Variants in SH3PXD2B observed in about 807,000 individuals in gnomAD.
SH3PXD2B encodes SH3 and PX domains 2B.
In SH3PXD2B, 37 loss-of-function variants were observed where a neutral mutation model predicts 73.1. The observed-to-expected ratio is 0.51, with a 90% CI of 0.39 to 0.67. The LOEUF is 0.67. SH3PXD2B is among the 30% of genes least tolerant of loss of function. The pLI is 0.00. For missense variants in SH3PXD2B, 1,053 were observed against 1,197.8 expected (o/e 0.88, Z 1.78); for synonymous variants, 457 against 480.5 (o/e 0.95, Z 0.64).
intron 3 of SH3PXD2B, among the ~76,000 whole-genome samples, chr5:172,402,806 G>C (rs1758451679): frequency 6.6e-6 from 1 of 152,244 alleles, no homozygotes. Context: ...CTTAGTAGGT[G>C]CTTGCAAAGG....
downstream of SH3PXD2B, among the ~76,000 whole-genome samples, chr5:172,329,280 C>T (rs552763671): frequency 4.0e-5 from 6 of 149,852 alleles, no homozygotes; most frequent in African/African-American, 1.2e-4. Context: ...GATGAGGTTT[C>T]ACCATGTTGG....
chr5:172,386,719 T>G lies in SH3PXD2B; in HGVS notation c.310-4592A>C, dbSNP rs186374033. Among the ~76,000 whole-genome samples the G allele has an allele frequency of 2.0e-4, 30 of 152,280 alleles. No homozygotes were observed. The East Asian group carries it at 5.6e-3, about 28-fold the overall frequency. On this transcript the variant is annotated intron_variant, in intron 4 of 12. Transcript: ENST00000311601. ...ATCTCAGCTCACTGCAGTCTCCACC[T>G]CCTGGGCTCGAGATCCTCCCACCTC...
rs199725039 is a variant in SH3PXD2B at position 172,404,317 on chromosome 5, T to TA, written c.232+1959_232+1960insT. Reference sequence around the variant, plus strand: ...CTGAAAAAAGATATATATATATATATTTTTTTTTGAGATAGAGTTTCACTC... The same window carrying TA: ...CTGAAAAAAGATATATATATATATATATTTTTTTTGAGATAGAGTTTCACTC... On this transcript the variant is annotated intron_variant, in intron 3 of 12. Transcript: ENST00000311601. Among the ~76,000 whole-genome samples the TA allele has an allele frequency of 5.3e-3, 711 of 134,540 alleles. 6 individuals carry two copies. Among genetic ancestry groups the TA allele is most frequent in the African/African-American group, 0.016 (604 of 38,850 alleles). The allele number at this position is 134,540 out of a possible 152,430, so 88.3% of individuals were successfully genotyped here. A position where few individuals can be genotyped will look rare whatever the true frequency, so the allele number is the denominator to read the frequency against.
At chr5:172,442,654 C>T in intron 1 of SH3PXD2B, among the ~76,000 whole-genome samples, 1 of 152,142 alleles carries the variant, frequency 6.6e-6, no homozygotes, top group East Asian at 1.9e-4. Context: ...TGGCCCGTGT[C>T]ACATCATTTG....
Position 172,422,467 on chromosome 5 carries a change from G to A in SH3PXD2B, c.105C>T (p.Ser35=), listed in dbSNP as rs17074773. The change falls in exon 2 of 13, where the codon AGC becomes AGT. Residue 35 remains serine, a synonymous_variant. Coordinates refer to ENST00000311601, the MANE Select transcript of SH3PXD2B (RefSeq NM_001017995.3). Reference sequence around the variant, plus strand: ...GCCGGTAAATGGCCTCGGTGGAGCCGCTGGACCACGTGACCCGGATGATGT... The same window carrying A: ...GCCGGTAAATGGCCTCGGTGGAGCCACTGGACCACGTGACCCGGATGATGT... ...YVYIIRVTWS[S]GSTEAIYRRY... 0.31 allele frequency: 500,209 copies of A among 1,610,500 alleles called. 82,434 individuals are homozygous for A. The highest frequency in any genetic ancestry group is 0.63 in the East Asian group (28,387 of 44,826).
At chr5:172,448,716 G>A (rs1759730101) in intron 1 of SH3PXD2B, among the ~76,000 whole-genome samples, 1 of 152,218 alleles carries the variant, frequency 6.6e-6, no homozygotes, top group Admixed American at 6.5e-5. Flanking sequence ...CGTCCCAGAA[G>A]GAAGTCACTG....
intron 1 of SH3PXD2B, among the ~76,000 whole-genome samples, chr5:172,441,242 G>A (rs1410510079): frequency 6.6e-6 from 1 of 152,170 alleles, no homozygotes; most frequent in Non-Finnish European, 1.5e-5. Flanking sequence ...CCGAGGTTCT[G>A]AGAGGTTAAG....
At chr5:172,345,051 CAAAGGAAGGAGGAAGGAG>C (rs1561894185) in intron 12 of SH3PXD2B, among the ~76,000 whole-genome samples, 1 of 131,866 alleles carries the variant, frequency 7.6e-6, no homozygotes, top group Non-Finnish European at 1.6e-5. Flanking sequence ...GGAAGGAAAA[CAAAGGAAGGAGGAAGGAG>C]GAAGGAAGGA....
intron 6 of SH3PXD2B, among the ~76,000 whole-genome samples, chr5:172,368,092 T>C (rs1757567413): frequency 6.6e-6 from 1 of 152,206 alleles, no homozygotes; most frequent in Non-Finnish European, 1.5e-5. Flanking sequence ...GTCCTTCTCA[T>C]GCAAAGCCTG....
intron 5 of SH3PXD2B, among the ~76,000 whole-genome samples, chr5:172,376,688 G>A (rs769405259): frequency 4.6e-5 from 7 of 152,288 alleles, no homozygotes; most frequent in East Asian, 1.9e-4. Context: ...CCTTCACAGC[G>A]CCCATGCAGA....
In SH3PXD2B at chr5:172,339,946, G is replaced by T. The variant is rs375470842; in HGVS notation, c.1189-30C>A. 1.4e-5 allele frequency: 22 copies of T among 1,613,536 alleles called. No individual in the cohort carries two copies. Among genetic ancestry groups the T allele is most frequent in the Non-Finnish European group, 1.8e-5 (21 of 1,179,800 alleles). On this transcript the variant is annotated intron_variant, in intron 12 of 12. Coordinates refer to ENST00000311601, the MANE Select transcript of SH3PXD2B (RefSeq NM_001017995.3). This position sits in a 1 kb window ranked among gnomAD's most constrained non-coding sequence, Gnocchi z 6.1. ...AAGGGAGGATAGAGAAAGGCACTTG[G>T]CTACGATGCCAGGGCCAGCAGATGG...
chr5:172,417,902 A>G (rs768194298), intron 2 of SH3PXD2B, among the ~76,000 whole-genome samples: 20 of 152,184 alleles, frequency 1.3e-4, no homozygotes, highest in Non-Finnish European at 2.9e-4. Flanking sequence ...ATTCTAGAAC[A>G]TCTTCATCAC....
Position 172,350,603 on chromosome 5 carries a change from G to A in SH3PXD2B, c.786-14C>T. On this transcript the variant is annotated splice_polypyrimidine_tract_variant and intron_variant, in intron 9 of 12. Transcript: ENST00000311601. ...TTGCCCTGGTACCTGTGAAGAGGAGGAAGGATGCTGTCAAACTGCTCCGCC... is the reference window on the plus strand; with the variant it reads ...TTGCCCTGGTACCTGTGAAGAGGAGAAAGGATGCTGTCAAACTGCTCCGCC... 1 of 1,591,840 alleles carries A rather than the reference G, an allele frequency of 6.3e-7. No homozygotes were observed. The highest frequency in any genetic ancestry group is 1.3e-5 in the African/African-American group (1 of 74,558).
At chr5:172,444,514 G>A (rs190949578) in intron 1 of SH3PXD2B, among the ~76,000 whole-genome samples, 5 of 152,306 alleles carry the variant, frequency 3.3e-5, no homozygotes, top group East Asian at 3.9e-4. Context: ...CATAGTAAGC[G>A]CTTAGACAAA....
intron 12 of SH3PXD2B, among the ~76,000 whole-genome samples, chr5:172,327,016 A>T: frequency 6.6e-6 from 1 of 151,774 alleles, no homozygotes; most frequent in South Asian, 2.1e-4. Context: ...GCCACCACCA[A>T]GCCTGGCTGA....
At chr5:172,360,211 G>A (rs766060240) in intron 7 of SH3PXD2B, among the ~76,000 whole-genome samples, 63 of 152,188 alleles carry the variant, frequency 4.1e-4, no homozygotes, top group Admixed American at 1.8e-3. Context: ...TAAGGAAACT[G>A]TCATAACACA....
intron 8 of SH3PXD2B, among the ~76,000 whole-genome samples, chr5:172,354,428 T>C (rs1757228362): frequency 6.6e-6 from 1 of 152,232 alleles, no homozygotes; most frequent in Admixed American, 6.5e-5. Context: ...TCTGCTGGAA[T>C]ATGAGCTCCA....
At chr5:172,348,669 A>ATCTG (rs1415509414) in intron 10 of SH3PXD2B, among the ~76,000 whole-genome samples, 1 of 49,978 alleles carries the variant, frequency 2.0e-5, no homozygotes, top group African/African-American at 6.6e-5. Flanking sequence ...CTATCTATCT[A>ATCTG]TCTATCTATC....
At chr5:172,362,648 C>T (rs1372711067) in intron 7 of SH3PXD2B, 87 bp downstream of exon 7, 3 of 1,599,108 alleles carry the variant, frequency 1.9e-6, no homozygotes, top group Non-Finnish European at 2.6e-6. Context: ...CTGGACTGGC[C>T]ATTTCAGTTT....
Sources: gnomAD v4.1 joint callset for allele counts (sites outside exome capture counted in the v4.1 genomes callset) on GRCh38, gnomAD v4.1.1 for gene constraint, Gnocchi (gnomAD v3.1) non-coding constraint, MANE v1.5 for transcripts, NCBI Gene and HGNC (gene_info 2026-07-23, HGNC 2026-07-21) for gene names.